SRD5A1: variants seen among roughly 807,000 people sequenced by gnomAD.
The protein encoded by SRD5A1 is steroid 5 alpha-reductase 1.
A neutral mutation model predicts 28.2 loss-of-function variants in SRD5A1; 22 were observed. That is an observed-to-expected ratio of 0.78 (90% CI 0.56 to 1.12). The LOEUF (loss-of-function observed/expected upper bound fraction) is 1.12. SRD5A1 is among the 50% of genes most tolerant of loss of function. The pLI is 0.00. For synonymous variants in SRD5A1, 151 were observed against 135.0 expected, an observed-to-expected ratio of 1.12 and a Z score of -0.82; for missense variants, 300 against 346.7, an observed-to-expected ratio of 0.87 and a Z score of 1.07.
At chr5:6,659,534 A>G (rs905069221) in intron 3 of SRD5A1, among the ~76,000 whole-genome samples, 1 of 152,212 alleles carries the variant, frequency 6.6e-6, no homozygotes, top group Non-Finnish European at 1.5e-5. Context: ...GGAACAGAAT[A>G]TATTTTAAAA....
intron 1 of SRD5A1, among the ~76,000 whole-genome samples, chr5:6,638,457 A>G (rs1002284929): frequency 1.3e-5 from 2 of 152,222 alleles, no homozygotes. Context: ...GAAGCATTTG[A>G]TTGGTCAGAG....
At chr5:6,636,936 G>GA (rs1418262254) in intron 1 of SRD5A1, among the ~76,000 whole-genome samples, 1 of 152,102 alleles carries the variant, frequency 6.6e-6, no homozygotes. Flanking sequence ...GGGGTGGGGG[G>GA]ATAGCCATGA....
chr5:6,649,196 AG>A (rs1435824915), intron 1 of SRD5A1, among the ~76,000 whole-genome samples: 1 of 152,176 alleles, frequency 6.6e-6, no homozygotes, highest in Admixed American at 6.5e-5. Flanking sequence ...GTGGATACAC[AG>A]GGGGTCAGGG....
At chr5:6,634,256 G>A (rs1227216011) in intron 1 of SRD5A1, among the ~76,000 whole-genome samples, 1 of 152,238 alleles carries the variant, frequency 6.6e-6, no homozygotes, top group African/African-American at 2.4e-5. Flanking sequence ...GAACCCGAGA[G>A]GCGGAGGTTA....
Position 6,638,345 on chromosome 5 carries a change from C to T in SRD5A1, c.293+4476C>T, listed in dbSNP as rs75107370. On this transcript the variant is annotated intron_variant, in intron 1 of 4. Coordinates refer to ENST00000274192, the MANE Select transcript of SRD5A1 (RefSeq NM_001047.4). ...AAGTCATAGCGTTTTTTGGAGCAGA[C>T]CAATTCATGAATCAGCACCAAACCA... 5.5e-4 allele frequency among the ~76,000 whole-genome samples: 83 copies of T among 152,280 alleles called. 1 individual carries two copies. In the East Asian group the frequency reaches 0.013, roughly 24 times the overall value.
chr5:6,657,359 T>C (rs576714969), intron 3 of SRD5A1, among the ~76,000 whole-genome samples: 5 of 152,276 alleles, frequency 3.3e-5, no homozygotes, highest in Admixed American at 6.5e-5. Flanking sequence ...CTCTCTTTGG[T>C]GTTGGGCTTA....
intron 1 of SRD5A1, among the ~76,000 whole-genome samples, chr5:6,645,709 C>T (rs892918688): frequency 6.6e-6 from 1 of 151,958 alleles, no homozygotes; most frequent in Non-Finnish European, 1.5e-5. Flanking sequence ...ATCATCACCG[C>T]AAATCAAGAG....
intron 1 of SRD5A1, among the ~76,000 whole-genome samples, chr5:6,649,925 A>C (rs1456365151): frequency 6.6e-6 from 1 of 152,208 alleles, no homozygotes; most frequent in African/African-American, 2.4e-5. Context: ...ATATATAGAG[A>C]GCAGTAATAT....
intron 2 of SRD5A1, among the ~76,000 whole-genome samples, chr5:6,654,434 T>TTTTGTTTTTTTGTTTG (rs1738778180): frequency 1.3e-5 from 2 of 151,458 alleles, no homozygotes; most frequent in African/African-American, 4.9e-5. Flanking sequence ...TAAGTTTTTT[T>TTTTGTTTTTTTGTTTG]TTTGTTTGTT....
Position 6,663,063 on chromosome 5 carries a change from T to G in SRD5A1, c.713+97T>G, listed in dbSNP as rs961722032. 3.5e-6 allele frequency: 5 copies of G among 1,438,458 alleles called. No individual in the cohort carries two copies. In the Admixed American group the frequency reaches 1.0e-4, roughly 29 times the overall value. The allele number at this position is 1,438,458 out of a possible 1,614,324, so 89.1% of individuals were successfully genotyped here. ...TTTTTGAAGTGTTAATTTAAATCGC[T>G]GAATTCCAGTTTATTCTGTGCTTTG... On this transcript the variant is annotated intron_variant, in intron 4 of 4. Coordinates refer to ENST00000274192, the MANE Select transcript of SRD5A1 (RefSeq NM_001047.4).
intron 4 of SRD5A1, among the ~76,000 whole-genome samples, chr5:6,666,306 C>T (rs1445709680): frequency 6.6e-6 from 1 of 152,100 alleles, no homozygotes; most frequent in African/African-American, 2.4e-5. Flanking sequence ...CGCCACCATG[C>T]CCGGCTAATT....
intron 2 of SRD5A1, among the ~76,000 whole-genome samples, chr5:6,655,416 C>T (rs1341554505): frequency 2.6e-5 from 4 of 152,156 alleles, no homozygotes; most frequent in Non-Finnish European, 2.9e-5. Context: ...ACTGGGGATA[C>T]CGTGGGATTC....
At position 6,668,287 on chromosome 5, in the gene SRD5A1, T is replaced by C; in HGVS notation, c.*19T>C. 6.9e-7 allele frequency: 1 copy of C among 1,444,072 alleles called. No individual in the cohort carries two copies. The highest frequency in any genetic ancestry group is 9.6e-7 in the Non-Finnish European group (1 of 1,040,458). The allele number at this position is 1,444,072 out of a possible 1,614,324, so 89.5% of individuals were successfully genotyped here. A position where few individuals can be genotyped will look rare whatever the true frequency, so the allele number is the denominator to read the frequency against. On this transcript the variant is annotated 3_prime_UTR_variant, in exon 5 of 5. Transcript: ENST00000274192. ...GTTTTAAGTGCGTTTTTCATGAAAT[T>C]ATCTTCAACTTGAAGCTTTCCAATG...
At chr5:6,656,268 G>A (rs904783430) in intron 3 of SRD5A1, 89 bp downstream of exon 3, 21 of 982,116 alleles carry the variant, frequency 2.1e-5, no homozygotes, top group Middle Eastern at 2.1e-4. Flanking sequence ...AAGTAGTAGC[G>A]TAGTAGTTAT....
At chr5:6,662,292 C>A (rs1475956055) in intron 3 of SRD5A1, among the ~76,000 whole-genome samples, 1 of 152,248 alleles carries the variant, frequency 6.6e-6, no homozygotes, top group African/African-American at 2.4e-5. Context: ...ACTCCTCCCC[C>A]TCCATGAGCT....
At chr5:6,650,627 G>C (rs1409266654) in intron 1 of SRD5A1, among the ~76,000 whole-genome samples, 1 of 151,490 alleles carries the variant, frequency 6.6e-6, no homozygotes, top group Non-Finnish European at 1.5e-5. Flanking sequence ...TGGTACAACA[G>C]AACGTGATCT....
At position 6,671,284 on chromosome 5, in the gene SRD5A1, G is replaced by T. The variant is rs1265802288; in HGVS notation, c.*3016G>T. ...GATGTTGAGCATTTTTTCATACTTTGTTGGCCATTTGTATATCTTCTTTTG... is the reference window on the plus strand; with the variant it reads ...GATGTTGAGCATTTTTTCATACTTTTTTGGCCATTTGTATATCTTCTTTTG... On this transcript the variant is annotated 3_prime_UTR_variant, in exon 5 of 5. Coordinates refer to ENST00000274192, the MANE Select transcript of SRD5A1 (RefSeq NM_001047.4). 3.3e-5 allele frequency: 5 copies of T among 152,090 alleles called. No individual in the cohort carries two copies. The highest frequency in any genetic ancestry group is 7.4e-5 in the Non-Finnish European group (5 of 68,024). 9.4% of individuals were successfully genotyped at this position (152,090 alleles called of 1,614,324 possible).
intron 1 of SRD5A1, among the ~76,000 whole-genome samples, chr5:6,636,273 A>C (rs1382539011): frequency 6.6e-6 from 1 of 152,168 alleles, no homozygotes; most frequent in Non-Finnish European, 1.5e-5. Flanking sequence ...CTGAACACAA[A>C]CCATCCCAGC....
chr5:6,661,436 A>G (rs1738997601), intron 3 of SRD5A1, among the ~76,000 whole-genome samples: 1 of 150,058 alleles, frequency 6.7e-6, no homozygotes. Flanking sequence ...TCATGCATGC[A>G]TGTAAGTTGC....
Sources: allele counts gnomAD v4.1 joint callset (sites outside exome capture counted in the v4.1 genomes callset), GRCh38; gene constraint gnomAD v4.1.1; transcripts MANE v1.5; gene names NCBI Gene and HGNC (gene_info 2026-07-23, HGNC 2026-07-21).